TWF2: variants seen among roughly 807,000 people sequenced by gnomAD.
TWF2 encodes the protein twinfilin actin binding protein 2.
In TWF2, 15 loss-of-function variants were observed where a neutral mutation model predicts 45.1. That is an observed-to-expected ratio of 0.33 (90% CI 0.22 to 0.51). The LOEUF (loss-of-function observed/expected upper bound fraction) is 0.51. Among genes scored for constraint, TWF2 ranks in the 20% least tolerant of loss-of-function variants. The pLI is 0.97. For synonymous variants in TWF2, 177 were observed against 195.8 expected, an observed-to-expected ratio of 0.90 and a Z score of 0.80; for missense variants, 423 against 469.1, an observed-to-expected ratio of 0.90 and a Z score of 0.91.
chr3:52,229,578 C>T, intron 8 of TWF2, 83 bp downstream of exon 8: 2 of 1,562,076 alleles, frequency 1.3e-6, no homozygotes, highest in South Asian at 1.2e-5. Flanking sequence ...TCCTGCTCTG[C>T]CGTCATCTCA....
chr3:52,235,354 C>T (rs1167420640), intron 1 of TWF2, among the ~76,000 whole-genome samples: 2 of 152,176 alleles, frequency 1.3e-5, no homozygotes, highest in African/African-American at 4.8e-5. Flanking sequence ...AGGGATGGGA[C>T]AACCCACCAG....
chr3:52,237,007 G>T (rs930671783), intron 1 of TWF2, among the ~76,000 whole-genome samples: 4 of 152,258 alleles, frequency 2.6e-5, no homozygotes, highest in Admixed American at 2.6e-4. Flanking sequence ...TGGGAGAAAG[G>T]GCTTGGCGAT....
At chr3:52,235,431 C>T (rs1029761381) in intron 1 of TWF2, among the ~76,000 whole-genome samples, 2 of 152,190 alleles carry the variant, frequency 1.3e-5, no homozygotes, top group African/African-American at 2.4e-5. Context: ...CCCCCTGCCC[C>T]GCAGGATGGC....
intron 3 of TWF2, 87 bp from the exon 4 acceptor site, chr3:52,231,626 G>C: frequency 7.1e-7 from 1 of 1,414,336 alleles, no homozygotes; most frequent in Non-Finnish European, 9.6e-7. Context: ...GAACTCGGTG[G>C]GCTCACTGCG....
intron 6 of TWF2, among the ~76,000 whole-genome samples, chr3:52,230,347 G>T (rs1426663114): frequency 2.0e-5 from 3 of 152,234 alleles, no homozygotes; most frequent in Admixed American, 2.0e-4. Flanking sequence ...AGGATGGTGT[G>T]GAGGGTCACA....
At chr3:52,235,139 T>A in intron 1 of TWF2, 33 bp from the exon 2 acceptor site, 1 of 1,607,690 alleles carries the variant, frequency 6.2e-7, no homozygotes, top group Non-Finnish European at 8.5e-7. Flanking sequence ...GGGGGATGAG[T>A]GGGCAGAGTG....
At position 52,231,138 on chromosome 3, in the gene TWF2, G is replaced by C. The variant is rs758401611; in HGVS notation, c.472C>G (p.Arg158Gly). 1 of 1,614,050 alleles carries C rather than the reference G, an allele frequency of 6.2e-7. No individual in the cohort carries two copies. Among genetic ancestry groups the C allele is most frequent in the South Asian group, 1.1e-5 (1 of 91,082 alleles). Residue 158 changes from arginine (R) to glycine (G), a missense_variant, in exon 5 of 9, where the codon CGC (arginine) becomes GGC (glycine). Arg to Gly is a moderately radical substitution (Grantham distance 125). Transcript: ENST00000305533. The part of the protein sequence containing the change: ...TSAERELQQI[R>G]INEVKTEISV... ...TGCTCCCCACCCACCTCGTTAATGC[G>C]GATCTGCTGGAGCTCTCTCTCAGCC...
chr3:52,230,178 T>C, intron 6 of TWF2, 108 bp from the exon 7 acceptor site: 1 of 1,387,824 alleles, frequency 7.2e-7, no homozygotes. Context: ...GAGCCTGATG[T>C]GACCTCCCTC....
At chr3:52,238,894 C>T (rs1386786609) in intron 1 of TWF2, 98 bp downstream of exon 1, 20 of 1,441,794 alleles carry the variant, frequency 1.4e-5, no homozygotes, top group Admixed American at 2.2e-5. Flanking sequence ...AAGCTTTCTC[C>T]CGGCTGGTGT....
In TWF2 at chr3:52,235,125, TG is replaced by T. The variant is rs1559442181; in HGVS notation, c.26-20del. 1 of 1,612,918 alleles carries T rather than the reference TG, an allele frequency of 6.2e-7. No individual in the cohort carries two copies. The highest frequency in any genetic ancestry group is 2.2e-5 in the East Asian group (1 of 44,868). ...TCCGTGGCTATAAGAACAAGAAACA[TG>T]GTGGGGGATGAGTGGGCAGAGTGGA... On this transcript the variant is annotated intron_variant, in intron 1 of 8. Coordinates refer to ENST00000305533, the MANE Select transcript of TWF2 (RefSeq NM_007284.4).
intron 1 of TWF2, among the ~76,000 whole-genome samples, chr3:52,238,101 T>A (rs901851807): frequency 6.6e-6 from 1 of 152,118 alleles, no homozygotes; most frequent in African/African-American, 2.4e-5. Context: ...GAGGGTGTGA[T>A]GCGGGAATGG....
Position 52,229,038 on chromosome 3 carries a change from C to A in TWF2, c.1046G>T (p.Ser349Ile), listed in dbSNP as rs1028237121. The change falls in exon 9 of 9, where the codon AGC (serine) becomes ATC (isoleucine). Residue 349 changes from serine to isoleucine, a missense_variant. Coordinates refer to ENST00000305533, the MANE Select transcript of TWF2 (RefSeq NM_007284.4). ...IRGPGENGDDS is the reference protein window; with the variant it reads ...IRGPGENGDDI ...GGCCGGCCCTGCTCCAGCCTCCTAGCTGTCATCCCCATTTTCACCCGGGCC... is the reference window on the plus strand; with the variant it reads ...GGCCGGCCCTGCTCCAGCCTCCTAGATGTCATCCCCATTTTCACCCGGGCC... 5 of 1,611,272 alleles carry A rather than the reference C, an allele frequency of 3.1e-6. No individual in the cohort carries two copies. The East Asian group carries it at 1.1e-4, about 36-fold the overall frequency.
At position 52,228,724 on chromosome 3, in the gene TWF2, G is replaced by T. The variant is rs1699648713; in HGVS notation, c.*310C>A. 1 of 377,462 alleles carries T rather than the reference G, an allele frequency of 2.6e-6. No individual in the cohort carries two copies. Among genetic ancestry groups the T allele is most frequent in the South Asian group, 4.1e-5 (1 of 24,396 alleles). 23.4% of individuals were successfully genotyped at this position (377,462 alleles called of 1,614,324 possible). ...CACTTCTTGTGGCCAAAGGTTTCTGGGCTGTGCTGGGACCCTAGTCTCAGC... is the reference window on the plus strand; with the variant it reads ...CACTTCTTGTGGCCAAAGGTTTCTGTGCTGTGCTGGGACCCTAGTCTCAGC... On this transcript the variant is annotated 3_prime_UTR_variant, in exon 9 of 9. Coordinates refer to ENST00000305533, the MANE Select transcript of TWF2 (RefSeq NM_007284.4).
intron 1 of TWF2, among the ~76,000 whole-genome samples, chr3:52,237,908 G>A (rs1699742279): frequency 6.6e-6 from 1 of 152,246 alleles, no homozygotes; most frequent in Admixed American, 6.5e-5. Flanking sequence ...AGGGGTGGCT[G>A]ATGGCCAAAC....
At chr3:52,232,984 C>T (rs1226077665) in intron 2 of TWF2, among the ~76,000 whole-genome samples, 1 of 152,178 alleles carries the variant, frequency 6.6e-6, no homozygotes, top group Non-Finnish European at 1.5e-5. Context: ...GCACTCCAGC[C>T]TGGGCAACAA....
chr3:52,231,944 G>T lies in TWF2; in HGVS notation c.282C>A (p.Pro94=), dbSNP rs370584351. The T allele has an allele frequency of 5.6e-6, 9 of 1,611,696 alleles. No homozygotes were observed. The Admixed American group carries it at 6.7e-5, about 12-fold the overall frequency. The part of the protein sequence containing the change: ...LFLAWSPDNS[P]VRLKMLYAAT... ...CACTTCCCACTGGCCCAGGACTCAC[G>T]GGGGAGTTATCAGGCGACCAGGCGA... Residue 94 remains proline, a splice_region_variant and synonymous_variant, in exon 3 of 9, where the codon CCC becomes CCA. Coordinates refer to ENST00000305533, the MANE Select transcript of TWF2 (RefSeq NM_007284.4).
intron 1 of TWF2, among the ~76,000 whole-genome samples, chr3:52,236,072 G>A (rs1419755354): frequency 6.6e-6 from 1 of 152,038 alleles, no homozygotes; most frequent in Non-Finnish European, 1.5e-5. Context: ...AGGCCAAGGC[G>A]GGCAGATCAC....
rs1672868480 is a variant in TWF2 at position 52,239,030 on chromosome 3, GC to G, written c.-15del. ...TTGGTGCGCCATGGCTCGGCGCTTC[GC>G]TCCGTCCGCGCCGTCGGAGCCCTCC... On this transcript the variant is annotated 5_prime_UTR_variant, in exon 1 of 9. Transcript: ENST00000305533. 1.3e-6 allele frequency: 2 copies of G among 1,594,214 alleles called. No individual in the cohort carries two copies. Among genetic ancestry groups the G allele is most frequent in the Non-Finnish European group, 1.7e-6 (2 of 1,177,660 alleles).
chr3:52,230,839 G>C (rs780012928), intron 6 of TWF2, 31 bp downstream of exon 6: 11 of 1,605,096 alleles, frequency 6.9e-6, no homozygotes, highest in East Asian at 6.7e-5. Flanking sequence ...GGTGGTGGCA[G>C]CATGTGCCAG....
Sources: allele counts gnomAD v4.1 joint callset (sites outside exome capture counted in the v4.1 genomes callset), GRCh38; gene constraint gnomAD v4.1.1; transcripts MANE v1.5; gene names NCBI Gene and HGNC (gene_info 2026-07-23, HGNC 2026-07-21).